DNM1: variants seen among roughly 807,000 people sequenced by gnomAD.
The protein encoded by DNM1 is dynamin-1.
In DNM1, 29 loss-of-function variants were observed where a neutral mutation model predicts 104.6. That is an observed-to-expected ratio of 0.28 (90% CI 0.21 to 0.38). The LOEUF (loss-of-function observed/expected upper bound fraction) is 0.38, where lower values mean the gene tolerates loss of function less well. DNM1 is among the 10% of genes least tolerant of loss of function. DNM1 has a pLI of 1.00. For synonymous variants in DNM1, 445 were observed against 475.8 expected (o/e 0.94, Z 0.84); for missense variants, 640 against 1,189.4 (o/e 0.54, Z 6.79).
rs1834869873 is a variant in DNM1 at position 128,220,397 on chromosome 9, TTAAG to T, written c.849+58_849+61del. 5.6e-6 allele frequency: 9 copies of T among 1,594,594 alleles called. No individual in the cohort carries two copies. Among genetic ancestry groups the T allele is most frequent in the Non-Finnish European group, 7.7e-6 (9 of 1,171,610 alleles). On this transcript the variant is annotated intron_variant, in intron 6 of 21. Transcript: ENST00000372923. This position sits in a 1 kb window ranked among gnomAD's most constrained non-coding sequence, Gnocchi z 5.2. Reference sequence around the variant, plus strand: ...GAAACAAGCATGAAAACAGGATAAATTAAGTGTGTTCTGAGAGTGAACAGCAGAG... The same window carrying T: ...GAAACAAGCATGAAAACAGGATAAATTGTGTTCTGAGAGTGAACAGCAGAG...
rs757271331 is a variant in DNM1, at chr9:128,254,761, G to A, written c.*47G>A. ...AGACCTCCCTTTCCAAGCCTGCCTG[G>A]ACGGCTGTTCTGTGACTTGACAGTG... On this transcript the variant is annotated 3_prime_UTR_variant, in exon 22 of 22. Transcript: ENST00000372923. This position sits in a 1 kb window ranked among gnomAD's most constrained non-coding sequence, Gnocchi z 6.1. 1.5e-5 allele frequency: 23 copies of A among 1,558,060 alleles called. No homozygotes were observed. The highest frequency in any genetic ancestry group is 1.9e-5 in the Non-Finnish European group (22 of 1,145,844).
chr9:128,204,554 C>T (rs1326772732), intron 1 of DNM1, among the ~76,000 whole-genome samples: 1 of 152,202 alleles, frequency 6.6e-6, no homozygotes, highest in East Asian at 1.9e-4. Flanking sequence ...TTTAGCGGGG[C>T]AGGCAGGGTC....
Position 128,222,245 on chromosome 9 carries a change from C to A in DNM1, c.898C>A (p.Leu300Met), listed in dbSNP as rs781007168. 2.5e-6 allele frequency: 4 copies of A among 1,614,196 alleles called. No homozygotes were observed. In the South Asian group the frequency reaches 3.3e-5, roughly 13 times the overall value. ...CACACTGCCGGGGCTGCGGAACAAG[C>A]TGCAGAGCCAGCTACTGTCCATTGA... ...RDTLPGLRNKLQSQLLSIEKE... is the reference protein window; with the variant it reads ...RDTLPGLRNKMQSQLLSIEKE... The change falls in exon 7 of 22, where the codon CTG (leucine) becomes ATG (methionine). Residue 300 changes from leucine to methionine, a missense_variant. Leu to Met is a conservative substitution (Grantham distance 15). Transcript: ENST00000372923. The surrounding 1 kb of genome is among the most constrained non-coding windows in gnomAD (Gnocchi z 7.8).
At chr9:128,244,596 A>G in intron 15 of DNM1, 1 of 231,572 alleles carries the variant, frequency 4.3e-6, no homozygotes, top group South Asian at 3.8e-5. Flanking sequence ...CCAGTCCCAC[A>G]CAGGGTGGCA....
rs1037190440 is a variant in DNM1, at chr9:128,254,750, A to C, written c.*36A>C. On this transcript the variant is annotated 3_prime_UTR_variant, in exon 22 of 22. Transcript: ENST00000372923. This position sits in a 1 kb window ranked among gnomAD's most constrained non-coding sequence, Gnocchi z 6.1. ...CCTCTTCTCGGAGACCTCCCTTTCCAAGCCTGCCTGGACGGCTGTTCTGTG... is the reference window on the plus strand; with the variant it reads ...CCTCTTCTCGGAGACCTCCCTTTCCCAGCCTGCCTGGACGGCTGTTCTGTG... 2 of 1,579,312 alleles carry C rather than the reference A, an allele frequency of 1.3e-6. No homozygotes were observed. The highest frequency in any genetic ancestry group is 2.7e-5 in the African/African-American group (2 of 74,164).
rs112610495 is a variant in DNM1 at position 128,248,068 on chromosome 9, C to T, written c.1905+133C>T. 5 of 1,233,212 alleles carry T rather than the reference C, an allele frequency of 4.1e-6. No individual in the cohort carries two copies. The African/African-American group carries it at 7.4e-5, about 18-fold the overall frequency. 76.4% of individuals were successfully genotyped at this position (1,233,212 alleles called of 1,614,324 possible). A position where few individuals can be genotyped will look rare whatever the true frequency, so the allele number is the denominator to read the frequency against. On this transcript the variant is annotated intron_variant, in intron 18 of 21. Transcript: ENST00000372923. The surrounding 1 kb of genome is among the most constrained non-coding windows in gnomAD (Gnocchi z 5.6). ...TTGGGGCCAGGCGCAGTGGCTCACA[C>T]CTGTAAACCCAACACTTTGGGAGGC...
chr9:128,221,017 T>TCC (rs1834980207), intron 6 of DNM1: 1 of 149,616 alleles, frequency 6.7e-6, no homozygotes, highest in African/African-American at 2.5e-5. Flanking sequence ...CTTCCTTCCT[T>TCC]TCTTTCTCTT....
Position 128,245,404 on chromosome 9 carries a change from G to A in DNM1, c.1672-990G>A, listed in dbSNP as rs1380467740. 4.0e-5 allele frequency among the ~76,000 whole-genome samples: 6 copies of A among 151,556 alleles called. No homozygotes were observed. Among genetic ancestry groups the A allele is most frequent in the Admixed American group, 2.6e-4 (4 of 15,224 alleles). On this transcript the variant is annotated intron_variant, in intron 15 of 21. Coordinates refer to ENST00000372923, the MANE Select transcript of DNM1 (RefSeq NM_004408.4). The surrounding 1 kb of genome is among the most constrained non-coding windows in gnomAD (Gnocchi z 5.2). ...CCCGAGGCCCACACAGACGACCCCC[G>A]TGAACAAGTAGGGCATGGGTGACAA...
chr9:128,222,166 T>C lies in DNM1; in HGVS notation c.850-31T>C. On this transcript the variant is annotated intron_variant, in intron 6 of 21. Transcript: ENST00000372923. The surrounding 1 kb of genome is among the most constrained non-coding windows in gnomAD (Gnocchi z 7.8). Reference sequence around the variant, plus strand: ...CCCTTCCTGGCCCTGTGACCATCTGTCCTCAACCCTTTCCTCACCCTTACC... The same window carrying C: ...CCCTTCCTGGCCCTGTGACCATCTGCCCTCAACCCTTTCCTCACCCTTACC... The C allele has an allele frequency of 1.3e-6, 2 of 1,596,040 alleles. No homozygotes were observed. Among genetic ancestry groups the C allele is most frequent in the Non-Finnish European group, 1.7e-6 (2 of 1,170,730 alleles).
intron 11 of DNM1, among the ~76,000 whole-genome samples, chr9:128,236,883 G>A (rs556621177): frequency 6.6e-6 from 1 of 152,140 alleles, no homozygotes; most frequent in African/African-American, 2.4e-5. Flanking sequence ...CCAGTTTAGT[G>A]TGTCACCTTG....
Position 128,253,856 on chromosome 9 carries a change from C to T in DNM1, c.2535-798C>T, listed in dbSNP as rs1829680982. The T allele has an allele frequency of 2.7e-5, 32 of 1,165,930 alleles. No individual in the cohort carries two copies. The highest frequency in any genetic ancestry group is 2.8e-5 in the Non-Finnish European group (26 of 929,762). The allele number at this position is 1,165,930 out of a possible 1,614,324, so 72.2% of individuals were successfully genotyped here. ...CAGCTGAAGCACCGTAGCCAGCCAG[C>T]GGGCTCACGCACCTTGGCCTGTTGC... is the stretch of plus-strand genomic sequence containing the variant. On this transcript the variant is annotated intron_variant, in intron 21 of 21. Coordinates refer to ENST00000372923, the MANE Select transcript of DNM1 (RefSeq NM_004408.4). The surrounding 1 kb of genome is among the most constrained non-coding windows in gnomAD (Gnocchi z 5.9).
rs1482381169 is a variant in DNM1 at position 128,247,941 on chromosome 9, T to G, written c.1905+6T>G. 1 of 1,614,016 alleles carries G rather than the reference T, an allele frequency of 6.2e-7. No individual in the cohort carries two copies. The stretch of plus-strand genomic sequence containing the variant: ...CCTCCCAGGACAAAGAGAAAGTGAG[T>G]GTGCCCTTCTCTTGCCTCCTGCCAG... On this transcript the variant is annotated splice_donor_region_variant and intron_variant, in intron 18 of 21. Coordinates refer to ENST00000372923, the MANE Select transcript of DNM1 (RefSeq NM_004408.4). The surrounding 1 kb of genome is among the most constrained non-coding windows in gnomAD (Gnocchi z 5.1).
chr9:128,229,994 T>C (rs1367198700), intron 10 of DNM1, among the ~76,000 whole-genome samples: 2 of 149,458 alleles, frequency 1.3e-5, no homozygotes, highest in Non-Finnish European at 3.0e-5. Context: ...CTGAGGCGAG[T>C]GGATCACGAG....
At chr9:128,238,162 A>C (rs936019420) in intron 11 of DNM1, among the ~76,000 whole-genome samples, 2 of 152,062 alleles carry the variant, frequency 1.3e-5, no homozygotes, top group South Asian at 2.1e-4. Context: ...TATATGAGAG[A>C]GCTCATTTCC....
At chr9:128,206,896 C>G (rs1483399288) in intron 1 of DNM1, among the ~76,000 whole-genome samples, 1 of 150,502 alleles carries the variant, frequency 6.6e-6, no homozygotes, top group Non-Finnish European at 1.5e-5. Flanking sequence ...ACTTGGGGAG[C>G]GGGTGAGGGA....
rs1189788681 is a variant in DNM1 at position 128,248,866 on chromosome 9, G to C, written c.2076+113G>C. 1 of 1,218,372 alleles carries C rather than the reference G, an allele frequency of 8.2e-7. No homozygotes were observed. The highest frequency in any genetic ancestry group is 1.2e-6 in the Non-Finnish European group (1 of 846,318). 75.5% of individuals were successfully genotyped at this position (1,218,372 alleles called of 1,614,324 possible). A position where few individuals can be genotyped will look rare whatever the true frequency, so the allele number is the denominator to read the frequency against. On this transcript the variant is annotated intron_variant, in intron 19 of 21. Coordinates refer to ENST00000372923, the MANE Select transcript of DNM1 (RefSeq NM_004408.4). This position sits in a 1 kb window ranked among gnomAD's most constrained non-coding sequence, Gnocchi z 5.6. ...CCCTATGGGACCAGGTCCAGGGAGG[G>C]AGGCACGGTCCAGACCAGAGCTGTC... is the stretch of plus-strand genomic sequence containing the variant.
chr9:128,239,449 T>C lies in DNM1; in HGVS notation c.1427T>C (p.Met476Thr), dbSNP rs2131251361. 2 of 1,613,860 alleles carry C rather than the reference T, an allele frequency of 1.2e-6. No individual in the cohort carries two copies. Among genetic ancestry groups the C allele is most frequent in the Non-Finnish European group, 1.7e-6 (2 of 1,179,730 alleles). ...CCAACCTATGTATCCTTGAAGGTCA[T>C]GCTTCTCATCGATATCGAGCTGGCT... The part of the protein sequence containing the change: ...EREGRTKEQV[M>T]LLIDIELAYM... The change falls in exon 12 of 22, where the codon ATG becomes ACG. Residue 476 changes from methionine (M) to threonine (T), a missense_variant. Coordinates refer to ENST00000372923, the MANE Select transcript of DNM1 (RefSeq NM_004408.4).
intron 1 of DNM1, among the ~76,000 whole-genome samples, chr9:128,204,668 G>T (rs1392306478): frequency 6.6e-6 from 1 of 152,180 alleles, no homozygotes; most frequent in Non-Finnish European, 1.5e-5. Flanking sequence ...ACTGGAGGTG[G>T]GTTGGGGGGC....
intron 1 of DNM1, among the ~76,000 whole-genome samples, chr9:128,208,004 C>G (rs1382687969): frequency 6.6e-6 from 1 of 151,960 alleles, no homozygotes; most frequent in Non-Finnish European, 1.5e-5. Flanking sequence ...CCCCCACCCC[C>G]AGGCTTTCTG....
Sources: gnomAD v4.1 joint callset for allele counts (sites outside exome capture counted in the v4.1 genomes callset) on GRCh38, gnomAD v4.1.1 for gene constraint, Gnocchi (gnomAD v3.1) non-coding constraint, MANE v1.5 for transcripts, NCBI Gene and HGNC (gene_info 2026-07-23, HGNC 2026-07-21) for gene names.